Variants in SUFU observed in about 807,000 individuals in gnomAD.
SUFU encodes the protein SUFU negative regulator of hedgehog signaling, also known as suppressor of fused homolog.
A neutral mutation model predicts 58.9 loss-of-function variants in SUFU; 7 were observed. The observed-to-expected ratio is 0.12, with a 90% confidence interval of 0.07 to 0.22. The LOEUF (loss-of-function observed/expected upper bound fraction) is 0.22. Ranked by LOEUF, SUFU falls within the 10% of genes least tolerant of loss-of-function variation. SUFU has a pLI of 1.00. For synonymous variants in SUFU, 232 were observed against 254.8 expected, an observed-to-expected ratio of 0.91 and a Z score of 0.85; for missense variants, 451 against 641.3, an observed-to-expected ratio of 0.70 and a Z score of 3.20.
At chr10:102,540,982 AT>A (rs1308889222) in intron 2 of SUFU, among the ~76,000 whole-genome samples, 10 of 152,080 alleles carry the variant, frequency 6.6e-5, no homozygotes, top group African/African-American at 2.4e-4. Context: ...AGATCGCGCC[AT>A]TGCACTCCAG....
intron 2 of SUFU, among the ~76,000 whole-genome samples, chr10:102,539,774 A>G (rs900741623): frequency 8.5e-5 from 13 of 152,188 alleles, no homozygotes; most frequent in Middle Eastern, 3.2e-3. Context: ...ACAATTGGAG[A>G]TGCACATCCA....
chr10:102,508,984 A>G (rs1014618743), intron 1 of SUFU, among the ~76,000 whole-genome samples, 185 bp from the exon 2 acceptor site: 4 of 152,246 alleles, frequency 2.6e-5, no homozygotes, highest in African/African-American at 9.6e-5. Context: ...TTGGGCTTGC[A>G]GAGTTGGGCA....
At chr10:102,624,493 A>T (rs1287685780) in intron 10 of SUFU, among the ~76,000 whole-genome samples, 1 of 151,484 alleles carries the variant, frequency 6.6e-6, no homozygotes, top group Non-Finnish European at 1.5e-5. Context: ...CTTTAATATC[A>T]TGTAGATCTC....
intron 3 of SUFU, among the ~76,000 whole-genome samples, chr10:102,557,250 AAG>A (rs1420406906): frequency 1.3e-5 from 2 of 151,862 alleles, no homozygotes; most frequent in East Asian, 3.9e-4. Context: ...AAAAAAGAAA[AAG>A]AAAATGGCAG....
At chr10:102,547,050 G>A (rs1262954812) in intron 2 of SUFU, among the ~76,000 whole-genome samples, 1 of 152,250 alleles carries the variant, frequency 6.6e-6, no homozygotes, top group African/African-American at 2.4e-5. Flanking sequence ...CCATTGTGCA[G>A]CCGAAGAGGA....
chr10:102,589,740 C>A (rs909969806), intron 3 of SUFU, among the ~76,000 whole-genome samples: 1 of 152,114 alleles, frequency 6.6e-6, no homozygotes, highest in African/African-American at 2.4e-5. Flanking sequence ...GCCACCACAC[C>A]TGGCCTTTTA....
rs1028265637 is a variant in SUFU, at chr10:102,504,003, A to G, written c.-150A>G. The G allele has an allele frequency of 4.5e-5, 51 of 1,130,778 alleles. No homozygotes were observed. In the African/African-American group the frequency reaches 6.4e-4, roughly 14 times the overall value. 70.0% of individuals were successfully genotyped at this position (1,130,778 alleles called of 1,614,324 possible). On this transcript the variant is annotated 5_prime_UTR_variant, in exon 1 of 12. Transcript: ENST00000369902. ...GGCGGCGGCGACAGCCTGGGCGGAC[A>G]GTGCGCCGTGCGCAGGCGCGGAGCT...
chr10:102,593,704 G>C lies in SUFU; in HGVS notation c.666G>C (p.Leu222=). 2 of 1,614,232 alleles carry C rather than the reference G, an allele frequency of 1.2e-6. No homozygotes were observed. The highest frequency in any genetic ancestry group is 1.7e-6 in the Non-Finnish European group (2 of 1,180,040). ...QQWNGQGILE[L]LRTVPIAGGP... is the part of the protein sequence containing the mutation. ...GGAACGGGCAGGGCATCCTGGAGCT[G>C]CTGCGGACAGTGCCTATGTGAGTAC... Residue 222 remains leucine (L), a synonymous_variant, in exon 5 of 12, where the codon CTG becomes CTC. Transcript: ENST00000369902.
intron 2 of SUFU, among the ~76,000 whole-genome samples, chr10:102,527,874 C>T (rs2062630126): frequency 6.6e-6 from 1 of 152,160 alleles, no homozygotes; most frequent in South Asian, 2.1e-4. Context: ...GGGTAGATGC[C>T]TTGCCTCTTG....
intron 2 of SUFU, among the ~76,000 whole-genome samples, chr10:102,543,504 A>T (rs185631374): frequency 2.6e-5 from 4 of 152,260 alleles, no homozygotes; most frequent in Admixed American, 2.6e-4. Flanking sequence ...TAGTTATGTA[A>T]CCTTCACTAC....
rs369670140 is a variant in SUFU, at chr10:102,627,178, C to T, written c.1300C>T (p.Leu434=). The T allele has an allele frequency of 3.1e-6, 5 of 1,614,100 alleles. No individual in the cohort carries two copies. The African/African-American group carries it at 6.7e-5, about 22-fold the overall frequency. The change falls in exon 11 of 12, where the codon CTG becomes TTG. Residue 434 remains leucine, a synonymous_variant. Coordinates refer to ENST00000369902, the MANE Select transcript of SUFU (RefSeq NM_016169.4). ...YAAHGPWLQI[L]LTEEFVEKML... ...AGCCTGCCTTGTGCCTTCACAGATT[C>T]TGTTGACCGAAGAGTTTGTAGAGAA... is the stretch of plus-strand genomic sequence containing the variant.
intron 2 of SUFU, among the ~76,000 whole-genome samples, chr10:102,510,777 C>G (rs945053007): frequency 6.6e-6 from 1 of 151,176 alleles, no homozygotes; most frequent in African/African-American, 2.4e-5. Context: ...GAGCTGAGAT[C>G]GTGCCACTGT....
chr10:102,546,914 G>A (rs147463742), intron 2 of SUFU, among the ~76,000 whole-genome samples: 6 of 152,366 alleles, frequency 3.9e-5, no homozygotes, highest in African/African-American at 1.4e-4. Context: ...GGAGGCAGAT[G>A]GTGGACACAT....
intron 3 of SUFU, among the ~76,000 whole-genome samples, chr10:102,552,844 A>C (rs1371029989): frequency 6.6e-6 from 1 of 152,262 alleles, no homozygotes; most frequent in Non-Finnish European, 1.5e-5. Context: ...ATGAGGCGAA[A>C]TGTTAACAAC....
In SUFU at chr10:102,601,366, GC is replaced by G. The variant is rs777027257; in HGVS notation, c.1022+1825del. Among the ~76,000 whole-genome samples the G allele has an allele frequency of 6.6e-5, 10 of 152,116 alleles. No homozygotes were observed. The South Asian group carries it at 2.1e-3, about 32-fold the overall frequency. On this transcript the variant is annotated intron_variant, in intron 8 of 11. Coordinates refer to ENST00000369902, the MANE Select transcript of SUFU (RefSeq NM_016169.4). Reference sequence around the variant, plus strand: ...ACTGGGCAGTCGGGTATTGGTTCTGGCCCAAGGGTTCTCTGTAAACATAAGG... The same window carrying G: ...ACTGGGCAGTCGGGTATTGGTTCTGGCCAAGGGTTCTCTGTAAACATAAGG...
intron 3 of SUFU, among the ~76,000 whole-genome samples, chr10:102,588,440 G>GTTTA (rs549465029): frequency 1.8e-4 from 28 of 151,890 alleles, no homozygotes; most frequent in Middle Eastern, 3.4e-3. Flanking sequence ...AAATGTGAGA[G>GTTTA]TTTATTTCAG....
chr10:102,547,978 TTATCTC>T (rs2062871301), intron 2 of SUFU, among the ~76,000 whole-genome samples: 3 of 151,784 alleles, frequency 2.0e-5, no homozygotes, highest in Middle Eastern at 3.4e-3. Flanking sequence ...TAGGGAGACT[TTATCTC>T]TACTAAAAAA....
chr10:102,618,016 A>G, intron 10 of SUFU: 1 of 161,890 alleles, frequency 6.2e-6, no homozygotes, highest in Non-Finnish European at 1.4e-5. Flanking sequence ...GGCTGGAGCG[A>G]GCTTCAGAGC....
chr10:102,509,598 T>C, intron 2 of SUFU, among the ~76,000 whole-genome samples: 1 of 152,192 alleles, frequency 6.6e-6, no homozygotes. Context: ...GAACTTGGGC[T>C]GATGCCTCTG....
Sources: allele counts gnomAD v4.1 joint callset (sites outside exome capture counted in the v4.1 genomes callset), GRCh38; gene constraint gnomAD v4.1.1; transcripts MANE v1.5; gene names NCBI Gene and HGNC (gene_info 2026-07-23, HGNC 2026-07-21).